The following SLC8A1 variants were observed in gnomAD, a reference collection of about 807,000 sequenced individuals.
SLC8A1 encodes sodium/calcium exchanger 1.
SLC8A1 carries 18 observed loss-of-function variants against 68.3 expected under a neutral mutation model. That is an observed-to-expected ratio of 0.26 (90% CI 0.18 to 0.39). The LOEUF (loss-of-function observed/expected upper bound fraction) is 0.39. Ranked by LOEUF, SLC8A1 falls within the 10% of genes least tolerant of loss-of-function variation. SLC8A1 has a pLI of 1.00. For synonymous variants in SLC8A1, 475 were observed against 415.5 expected (o/e 1.14, Z -1.74); for missense variants, 985 against 1,156.7 (o/e 0.85, Z 2.15).
At chr2:40,174,832 T>C in exon 4 of SLC8A1, 1 of 1,609,972 alleles carries the variant, frequency 6.2e-7, no homozygotes, top group Non-Finnish European at 8.5e-7. Flanking sequence ...TACCTGTTAT[T>C]GTGAAGCCAC....
At chr2:40,233,462 ATTTG>A (rs1370459802) in intron 2 of SLC8A1, among the ~76,000 whole-genome samples, 1 of 144,526 alleles carries the variant, frequency 6.9e-6, no homozygotes, top group East Asian at 2.0e-4. Context: ...TTTCTTGTAA[ATTTG>A]TTTGAGTTCA....
At chr2:40,181,134 A>G (rs1481950065) in intron 2 of SLC8A1, among the ~76,000 whole-genome samples, 3 of 151,974 alleles carry the variant, frequency 2.0e-5, no homozygotes, top group Admixed American at 1.3e-4. Context: ...TAATTTTTGC[A>G]TTTTTAGTAG....
rs937640449 is a variant in SLC8A1 at position 40,259,635 on chromosome 2, C to T, written c.1809-81780G>A. Among the ~76,000 whole-genome samples the T allele has an allele frequency of 2.3e-4, 35 of 152,128 alleles. 1 individual carries two copies. The highest frequency in any genetic ancestry group is 7.2e-4 in the African/African-American group (30 of 41,400). ...AGCATGTGCCACCATGCCCTGCTAACCCCATCTCAATCTTTATACCCATAA... is the reference window on the plus strand; with the variant it reads ...AGCATGTGCCACCATGCCCTGCTAATCCCATCTCAATCTTTATACCCATAA... On this transcript the variant is annotated intron_variant, in intron 2 of 7. Transcript: ENST00000406785.
Position 40,361,887 on chromosome 2 carries a change from C to CTTTTTTTTTTTTTTTTT in SLC8A1, c.1808+66569_1808+66585dup, listed in dbSNP as rs1172909749. Among the ~76,000 whole-genome samples the CTTTTTTTTTTTTTTTTT allele has an allele frequency of 2.3e-4, 12 of 53,124 alleles. 1 individual carries two copies. Among genetic ancestry groups the CTTTTTTTTTTTTTTTTT allele is most frequent in the Non-Finnish European group, 3.0e-4 (9 of 30,438 alleles). The allele number at this position is 53,124 out of a possible 152,430, so 34.9% of individuals were successfully genotyped here. On this transcript the variant is annotated intron_variant, in intron 2 of 7. Transcript: ENST00000406785. Reference sequence around the variant, plus strand: ...GTCAGATGTTTATATCTTTTCTTTCCTTTTTTTTTTTTTTTTTTTTTTTTT... The same window carrying CTTTTTTTTTTTTTTTTT: ...GTCAGATGTTTATATCTTTTCTTTCCTTTTTTTTTTTTTTTTTTTTTTTTTTTTTTTTTTTTTTTTTT...
chr2:40,458,052 C>T (rs574485039), intron 1 of SLC8A1, among the ~76,000 whole-genome samples: 1 of 152,118 alleles, frequency 6.6e-6, no homozygotes, highest in Admixed American at 6.5e-5. Context: ...GTTTTGTTTT[C>T]AAGTTTTTTG....
intron 2 of SLC8A1, among the ~76,000 whole-genome samples, chr2:40,277,212 T>G (rs2066819583): frequency 6.6e-6 from 1 of 151,638 alleles, no homozygotes; most frequent in South Asian, 2.1e-4. Flanking sequence ...GACAAGTTAC[T>G]TGCCCTCTCT....
At chr2:40,360,328 T>C (rs551153287) in intron 2 of SLC8A1, among the ~76,000 whole-genome samples, 1 of 152,334 alleles carries the variant, frequency 6.6e-6, no homozygotes, top group African/African-American at 2.4e-5. Flanking sequence ...TGCTACCATT[T>C]GTTTTTTTAA....
intron 2 of SLC8A1, among the ~76,000 whole-genome samples, chr2:40,392,342 C>A (rs1254601634): frequency 1.3e-5 from 2 of 152,036 alleles, no homozygotes; most frequent in African/African-American, 4.8e-5. Flanking sequence ...TCTTATCTAC[C>A]CGTTCCCACT....
rs1397151430 is a variant in SLC8A1 at position 40,508,436 on chromosome 2, TTAAC to T, written c.-25+3909_-25+3912del. Among the ~76,000 whole-genome samples the T allele has an allele frequency of 3.3e-5, 5 of 152,016 alleles. No individual in the cohort carries two copies. In the East Asian group the frequency reaches 9.6e-4, roughly 29 times the overall value. On this transcript the variant is annotated intron_variant, in intron 1 of 7. Coordinates refer to the SLC8A1 transcript ENST00000402441. ...TTTAGAAAATTGTTGCTATCCAAAA[TTAAC>T]TAACATGCTCTTTCAATATGTCTGT... is the stretch of plus-strand genomic sequence containing the variant.
intron 2 of SLC8A1, among the ~76,000 whole-genome samples, chr2:40,381,330 C>G (rs1403738679): frequency 6.6e-6 from 1 of 152,030 alleles, no homozygotes; most frequent in African/African-American, 2.4e-5. Flanking sequence ...ATTTCCCTGT[C>G]CTTCCACAAC....
At chr2:40,142,365 AGGGT>A (rs2041732069) in intron 6 of SLC8A1, among the ~76,000 whole-genome samples, 1 of 147,832 alleles carries the variant, frequency 6.8e-6, no homozygotes, top group Non-Finnish European at 1.5e-5. Flanking sequence ...GGGGCTGAGA[AGGGT>A]GCATATACTC....
At chr2:40,437,051 G>A (rs1699569369) in intron 1 of SLC8A1, among the ~76,000 whole-genome samples, 2 of 152,098 alleles carry the variant, frequency 1.3e-5, no homozygotes, top group Non-Finnish European at 2.9e-5. Flanking sequence ...GATACTACAA[G>A]GAGATATTAT....
intron 1 of SLC8A1, among the ~76,000 whole-genome samples, 147 bp downstream of exon 1, chr2:40,451,737 TCACACACACACACACACACA>T (rs756970142): frequency 4.5e-5 from 6 of 133,664 alleles, no homozygotes; most frequent in Non-Finnish European, 6.4e-5. Flanking sequence ...ACACACCACA[TCACACACACACACACACACA>T]CACACACACA....
At chr2:40,426,865 T>A (rs1697000804) in intron 2 of SLC8A1, among the ~76,000 whole-genome samples, 2 of 151,996 alleles carry the variant, frequency 1.3e-5, no homozygotes, top group South Asian at 4.1e-4. Flanking sequence ...GAAAATATAA[T>A]CAATAGGGAA....
At chr2:40,208,643 C>A (rs2055962898) in intron 2 of SLC8A1, among the ~76,000 whole-genome samples, 1 of 152,158 alleles carries the variant, frequency 6.6e-6, no homozygotes, top group African/African-American at 2.4e-5. Context: ...TCAATCAACT[C>A]TGCTCTATGA....
In SLC8A1 at chr2:40,165,043, G is replaced by A. The variant is rs558261736; in HGVS notation, c.1931-59C>T. On this transcript the variant is annotated intron_variant, in intron 4 of 7. Coordinates refer to ENST00000406785, the Ensembl canonical transcript of SLC8A1. ...TGTTCTGTTTAATTTGGAAATCCCT[G>A]GATCCTGCCATAAGAAAGCCAAGGA... 97 of 1,603,510 alleles carry A rather than the reference G, an allele frequency of 6.0e-5. 2 individuals carry two copies. In the South Asian group the frequency reaches 1.0e-3, roughly 17 times the overall value.
intron 4 of SLC8A1, 42 bp downstream of exon 5, chr2:40,174,781 CAG>C: frequency 6.3e-7 from 1 of 1,598,138 alleles, no homozygotes; most frequent in Non-Finnish European, 8.6e-7. Flanking sequence ...CTGGTGAGAA[CAG>C]ACAGTAAAAG....
chr2:40,394,695 T>C (rs1461005547), intron 2 of SLC8A1, among the ~76,000 whole-genome samples: 1 of 152,054 alleles, frequency 6.6e-6, no homozygotes, highest in Admixed American at 6.6e-5. Flanking sequence ...ATGTATAGAG[T>C]GCCTGTTGCC....
intron 2 of SLC8A1, among the ~76,000 whole-genome samples, chr2:40,393,630 T>C (rs1685995820): frequency 6.6e-6 from 1 of 152,078 alleles, no homozygotes. Flanking sequence ...ATGAGGGTGC[T>C]CCCAGCAAAA....
Sources: gnomAD v4.1 joint callset for allele counts (sites outside exome capture counted in the v4.1 genomes callset) on GRCh38, gnomAD v4.1.1 for gene constraint, MANE v1.5 for transcripts, NCBI Gene and HGNC (gene_info 2026-07-23, HGNC 2026-07-21) for gene names.